Variants in DEPTOR observed in about 807,000 individuals in gnomAD.
DEPTOR encodes the protein DEP domain containing MTOR interacting protein.
Under a neutral mutation model 41.6 loss-of-function variants are expected in DEPTOR, and 41 were observed. The observed-to-expected ratio is 0.98, with a 90% CI of 0.77 to 1.28. The LOEUF (loss-of-function observed/expected upper bound fraction) is 1.28. DEPTOR is among the 50% of genes most tolerant of loss of function. The pLI, the probability that DEPTOR is intolerant of heterozygous loss-of-function variation, is 0.00. For missense variants in DEPTOR, 514 were observed against 527.9 expected (o/e 0.97, Z 0.26); for synonymous variants, 195 against 192.3 (o/e 1.01, Z -0.12).
intron 3 of DEPTOR, 147 bp downstream of exon 3, chr8:119,930,085 A>T (rs1828022528): frequency 1.1e-6 from 1 of 939,340 alleles, no homozygotes; most frequent in African/African-American, 1.7e-5. Context: ...ACTATCAAGC[A>T]TTTGCTGTCT....
At chr8:119,889,026 A>G (rs1827411997) in intron 1 of DEPTOR, among the ~76,000 whole-genome samples, 1 of 152,158 alleles carries the variant, frequency 6.6e-6, no homozygotes, top group African/African-American at 2.4e-5. Flanking sequence ...TGTCTCATAC[A>G]TTATTCATAT....
chr8:119,929,687 G>A lies in DEPTOR; in HGVS notation c.302-128G>A, dbSNP rs936717083. The A allele has an allele frequency of 2.6e-5, 33 of 1,248,462 alleles. No homozygotes were observed. In the East Asian group the frequency reaches 5.6e-4, roughly 21 times the overall value. 77.3% of individuals were successfully genotyped at this position (1,248,462 alleles called of 1,614,324 possible). A position where few individuals can be genotyped will look rare whatever the true frequency, so the allele number is the denominator to read the frequency against. On this transcript the variant is annotated intron_variant, in intron 2 of 8. Coordinates refer to ENST00000286234, the MANE Select transcript of DEPTOR (RefSeq NM_022783.4). ...CTATTTTACAAGTATTAGCTCATAT[G>A]GTACATATTTGCATGCATGAAGAAT...
At chr8:119,877,239 T>A (rs1827241506) in intron 1 of DEPTOR, among the ~76,000 whole-genome samples, 1 of 152,264 alleles carries the variant, frequency 6.6e-6, no homozygotes, top group Non-Finnish European at 1.5e-5. Flanking sequence ...AAAATTTTAA[T>A]CATTGCTGTT....
In DEPTOR at chr8:120,010,476, C is replaced by T. The variant is rs185383545; in HGVS notation, c.1101+1343C>T. Among the ~76,000 whole-genome samples the T allele has an allele frequency of 5.4e-4, 82 of 151,916 alleles. 1 individual carries two copies. The East Asian group carries it at 0.014, about 26-fold the overall frequency. ...CTAAAGATACAAAAAATTAGCCAGG[C>T]GTAGTGGCTCATTCCTGTAGTCCCA... On this transcript the variant is annotated intron_variant, in intron 8 of 8. Transcript: ENST00000286234.
intron 1 of DEPTOR, among the ~76,000 whole-genome samples, chr8:119,916,224 C>T (rs538430717): frequency 2.4e-3 from 358 of 151,340 alleles, no homozygotes; most frequent in Non-Finnish European, 2.9e-3. Flanking sequence ...CTTAGTCTCC[C>T]GAGTAGCTGG....
In DEPTOR at chr8:120,021,948, C is replaced by A. The variant is rs535555593; in HGVS notation, c.1101+12815C>A. 9.4e-4 allele frequency among the ~76,000 whole-genome samples: 143 copies of A among 151,868 alleles called. 3 individuals carry two copies. In the South Asian group the frequency reaches 0.017, roughly 18 times the overall value. ...TCACCTGAAGCCAGGAGTCTGACGA[C>A]CAACCTAGGCAACATAGCAAGACCT... On this transcript the variant is annotated intron_variant, in intron 8 of 8. Transcript: ENST00000286234.
At chr8:119,911,690 C>T (rs752732908) in intron 1 of DEPTOR, among the ~76,000 whole-genome samples, 8 of 152,164 alleles carry the variant, frequency 5.3e-5, no homozygotes, top group Non-Finnish European at 1.0e-4. Context: ...ATTTCTTATC[C>T]AGTGGAACTA....
At chr8:119,895,697 C>T (rs925240599) in intron 1 of DEPTOR, among the ~76,000 whole-genome samples, 3 of 152,170 alleles carry the variant, frequency 2.0e-5, no homozygotes, top group African/African-American at 7.2e-5. Context: ...CAAGCTGAGC[C>T]TCTGAGGTCA....
chr8:120,026,382 A>T (rs1273817592), intron 8 of DEPTOR, among the ~76,000 whole-genome samples: 1 of 142,664 alleles, frequency 7.0e-6, no homozygotes. Context: ...TGCTCTTATC[A>T]CCCAGGCTGG....
intron 1 of DEPTOR, among the ~76,000 whole-genome samples, chr8:119,918,538 G>A (rs1032235302): frequency 2.6e-5 from 4 of 152,070 alleles, no homozygotes; most frequent in Non-Finnish European, 1.5e-5. Flanking sequence ...TCGGCTCACT[G>A]CAACCTCCGC....
In DEPTOR at chr8:120,009,052, G is replaced by T; in HGVS notation, c.1020G>T (p.Trp340Cys). The T allele has an allele frequency of 6.2e-7, 1 of 1,614,084 alleles. No individual in the cohort carries two copies. Among genetic ancestry groups the T allele is most frequent in the East Asian group, 2.2e-5 (1 of 44,868 alleles). The part of the protein sequence containing the change: ...TFTIVGDAVG[W>C]GFVVRGSKPC... ...AGATTGTTGGTGACGCGGTTGGCTGGGGTTTTGTGGTGCGAGGAAGTAAGC... is the reference window on the plus strand; with the variant it reads ...AGATTGTTGGTGACGCGGTTGGCTGTGGTTTTGTGGTGCGAGGAAGTAAGC... Residue 340 changes from tryptophan (W) to cysteine (C), a missense_variant, in exon 8 of 9, where the codon TGG (tryptophan) becomes TGT (cysteine). Trp to Cys is a radical substitution (Grantham distance 215, BLOSUM62 -2). Transcript: ENST00000286234.
chr8:119,911,731 A>T (rs1827747988), intron 1 of DEPTOR, among the ~76,000 whole-genome samples: 1 of 152,184 alleles, frequency 6.6e-6, no homozygotes, highest in Non-Finnish European at 1.5e-5. Flanking sequence ...ATACTTCTTC[A>T]TATTAATAGA....
In DEPTOR at chr8:120,049,645, C is replaced by A; in HGVS notation, c.1171C>A (p.Leu391Met). 2 of 1,614,014 alleles carry A rather than the reference C, an allele frequency of 1.2e-6. No homozygotes were observed. The highest frequency in any genetic ancestry group is 2.2e-5 in the East Asian group (1 of 44,874). ...LHVDYRTVSN[L>M]ILTGPRTIVM... ...TGTAGACTACCGGACCGTGAGCAAT[C>A]TGATTCTGACGGGCCCACGGACGAT... The change falls in exon 9 of 9, where the codon CTG becomes ATG. Residue 391 changes from leucine to methionine, a missense_variant. By Grantham distance (15) the Leu-to-Met change is conservative. Transcript: ENST00000286234.
intron 3 of DEPTOR, among the ~76,000 whole-genome samples, chr8:119,934,926 C>A (rs948463679): frequency 1.3e-5 from 2 of 152,092 alleles, no homozygotes; most frequent in African/African-American, 4.8e-5. Context: ...TGAGTATGCA[C>A]ACAGGACAGG....
At chr8:120,010,429 A>G (rs1032920288) in intron 8 of DEPTOR, among the ~76,000 whole-genome samples, 3 of 152,126 alleles carry the variant, frequency 2.0e-5, no homozygotes, top group African/African-American at 7.2e-5. Context: ...AGCCTGACCA[A>G]CATGGTGAAA....
intron 4 of DEPTOR, among the ~76,000 whole-genome samples, chr8:120,000,163 A>G (rs1265340976): frequency 6.6e-6 from 1 of 152,162 alleles, no homozygotes; most frequent in Non-Finnish European, 1.5e-5. Flanking sequence ...TTCACATACC[A>G]AGCAATTCAT....
chr8:119,926,613 TG>T lies in DEPTOR; in HGVS notation c.123-1785del, dbSNP rs77129924. Among the ~76,000 whole-genome samples, 13 of 152,352 alleles carry T rather than the reference TG, an allele frequency of 8.5e-5. No individual in the cohort carries two copies. The East Asian group carries it at 2.1e-3, about 25-fold the overall frequency. ...TTCAAATTTAACTGGGTTTCCTGTC[TG>T]GTTTTTCCTTACTAAACCTGGCAGC... On this transcript the variant is annotated intron_variant, in intron 1 of 8. Transcript: ENST00000286234.
intron 1 of DEPTOR, among the ~76,000 whole-genome samples, chr8:119,879,925 C>T (rs1286877334): frequency 1.3e-5 from 2 of 151,998 alleles, no homozygotes; most frequent in East Asian, 1.9e-4. Flanking sequence ...GAGTGGATCA[C>T]GAGGTCAGGC....
At chr8:119,898,314 G>T (rs568921381) in intron 1 of DEPTOR, among the ~76,000 whole-genome samples, 9 of 152,114 alleles carry the variant, frequency 5.9e-5, no homozygotes, top group Non-Finnish European at 1.3e-4. Flanking sequence ...TTTCTATACG[G>T]TTAAACTAAG....
Sources: allele counts gnomAD v4.1 joint callset (sites outside exome capture counted in the v4.1 genomes callset), GRCh38; gene constraint gnomAD v4.1.1; transcripts MANE v1.5; gene names NCBI Gene and HGNC (gene_info 2026-07-23, HGNC 2026-07-21).